FAT3: variants seen among roughly 807,000 people sequenced by gnomAD.
FAT3 encodes the protein protocadherin Fat 3.
FAT3 carries 95 observed loss-of-function variants against 310.2 expected under a neutral mutation model. The ratio of observed to expected loss-of-function variants is 0.31; its 90% CI spans 0.26 to 0.36. The LOEUF is 0.36. Ranked by LOEUF, FAT3 falls within the 10% of genes least tolerant of loss-of-function variation. The pLI is 1.00. For synonymous variants in FAT3, 2,314 were observed against 2,192.9 expected, an observed-to-expected ratio of 1.06 and a Z score of -1.54; for missense variants, 5,408 against 5,715.6, an observed-to-expected ratio of 0.95 and a Z score of 1.74.
chr11:92,740,705 T>C (rs182995765), intron 4 of FAT3, among the ~76,000 whole-genome samples: 158 of 152,326 alleles, frequency 1.0e-3, no homozygotes, highest in African/African-American at 3.7e-3. Flanking sequence ...AGAGGATTTT[T>C]AAAATCATGT....
In FAT3 at chr11:92,314,032, T is replaced by C. The variant is rs146669298; in HGVS notation, c.-17-38064T>C. Among the ~76,000 whole-genome samples, 301 of 152,376 alleles carry C rather than the reference T, an allele frequency of 2.0e-3. 3 individuals carry two copies. The highest frequency in any genetic ancestry group is 7.0e-3 in the African/African-American group (291 of 41,596). On this transcript the variant is annotated intron_variant, in intron 1 of 27. Transcript: ENST00000525166. ...ATATTTTGCATGCTGTAGCATTGTT[T>C]GTTATGAATGTGGTCAACTTAGCCT...
At chr11:92,230,753 G>T (rs1203482319) in intron 1 of FAT3, among the ~76,000 whole-genome samples, 1 of 152,194 alleles carries the variant, frequency 6.6e-6, no homozygotes, top group Non-Finnish European at 1.5e-5. Flanking sequence ...AGATGCCTGT[G>T]TGTGTACACT....
rs71064714 is a variant in FAT3 at position 92,486,130 on chromosome 11, G to GTTTTTTTTTTTTTTTTTT, written c.3293-38493_3293-38476dup. Among the ~76,000 whole-genome samples, 33 of 37,136 alleles carry GTTTTTTTTTTTTTTTTTT rather than the reference G, an allele frequency of 8.9e-4. 5 individuals are homozygous for GTTTTTTTTTTTTTTTTTT. Among genetic ancestry groups the GTTTTTTTTTTTTTTTTTT allele is most frequent in the South Asian group, 2.4e-3 (1 of 418 alleles). 24.4% of individuals were successfully genotyped at this position (37,136 alleles called of 152,430 possible). The stretch of plus-strand genomic sequence containing the variant: ...GTGAAATAGAGGAGAGGCTGCTGGG[G>GTTTTTTTTTTTTTTTTTT]TTTTTTTTTTTTTTTTTTTTTTTTT... On this transcript the variant is annotated intron_variant, in intron 2 of 27. Coordinates refer to ENST00000525166, the MANE Select transcript of FAT3 (RefSeq NM_001367949.2).
chr11:92,622,584 A>G (rs572139049), intron 3 of FAT3, among the ~76,000 whole-genome samples: 1 of 152,266 alleles, frequency 6.6e-6, no homozygotes, highest in East Asian at 1.9e-4. Context: ...TTATGATAAG[A>G]AACAAGATTG....
Position 92,844,704 on chromosome 11 carries a change from C to A in FAT3, c.11337C>A (p.Phe3779Leu). 6.4e-7 allele frequency: 1 copy of A among 1,565,340 alleles called. No individual in the cohort carries two copies. The highest frequency in any genetic ancestry group is 8.7e-7 in the Non-Finnish European group (1 of 1,150,200). The change falls in exon 19 of 28, where the codon TTC becomes TTA. Residue 3779 changes from phenylalanine to leucine, a missense_variant. Coordinates refer to ENST00000525166, the MANE Select transcript of FAT3 (RefSeq NM_001367949.2). ...GCATCAGCTTTGTGTGTCCGCGTTT[C>A]TACAGGAACGTGCGTTGCACCTGCA... is the stretch of plus-strand genomic sequence containing the variant. The part of the protein sequence containing the change: ...TARISFVCPR[F>L]YRNVRCTCNG...
intron 3 of FAT3, among the ~76,000 whole-genome samples, chr11:92,555,582 C>T (rs981841483): frequency 1.3e-5 from 2 of 152,174 alleles, no homozygotes; most frequent in Non-Finnish European, 2.9e-5. Context: ...TCAGCTAACA[C>T]CCAGAGCCAA....
At chr11:92,375,525 C>CTTACGGAGATGAAG (rs11272665) in intron 2 of FAT3, among the ~76,000 whole-genome samples, 55,599 of 151,870 alleles carry the variant, frequency 0.37, 14,582 homozygotes, top group African/African-American at 0.75. Context: ...GAAGATGAGA[C>CTTACGGAGATGAAG]TTATTTTCCC....
intron 11 of FAT3, 84 bp downstream of exon 11, chr11:92,805,433 A>G (rs1303490785): frequency 2.1e-6 from 3 of 1,434,122 alleles, no homozygotes; most frequent in Non-Finnish European, 1.9e-6. Context: ...TCTTAAGGCC[A>G]GGCAAACTTC....
rs148923823 is a variant in FAT3 at position 92,545,098 on chromosome 11, G to T, written c.3607+20150G>T. On this transcript the variant is annotated intron_variant, in intron 3 of 27. Transcript: ENST00000525166. The stretch of plus-strand genomic sequence containing the variant: ...CTCTTTGCCCTCCTCATGTCCCCAA[G>T]CACTCAGGCACACTCTTGCCCCAAG... Among the ~76,000 whole-genome samples the T allele has an allele frequency of 2.3e-3, 357 of 152,074 alleles. 5 individuals are homozygous for T. The highest frequency in any genetic ancestry group is 4.3e-3 in the Non-Finnish European group (292 of 68,008).
At chr11:92,762,373 G>A (rs1017181483) in intron 5 of FAT3, among the ~76,000 whole-genome samples, 12 of 152,202 alleles carry the variant, frequency 7.9e-5, no homozygotes, top group African/African-American at 2.4e-4. Flanking sequence ...AATTTCCTTT[G>A]GTTGTGTCCT....
At chr11:92,842,034 A>G (rs1390805857) in intron 18 of FAT3, among the ~76,000 whole-genome samples, 1 of 152,170 alleles carries the variant, frequency 6.6e-6, no homozygotes, top group Admixed American at 6.5e-5. Context: ...TTTAGCATTG[A>G]AGTTTTACTG....
chr11:92,636,641 A>G (rs1016506607), intron 3 of FAT3, among the ~76,000 whole-genome samples: 1 of 152,248 alleles, frequency 6.6e-6, no homozygotes, highest in Admixed American at 6.5e-5. Flanking sequence ...AGCAAGATTC[A>G]TGACAGCTAT....
At chr11:92,503,029 C>T (rs1952990725) in intron 2 of FAT3, among the ~76,000 whole-genome samples, 2 of 151,994 alleles carry the variant, frequency 1.3e-5, no homozygotes, top group Non-Finnish European at 2.9e-5. Context: ...CCTATTTGGC[C>T]TTGTTGGCTT....
intron 10 of FAT3, among the ~76,000 whole-genome samples, chr11:92,804,055 T>G (rs935613127): frequency 6.6e-6 from 1 of 152,194 alleles, no homozygotes; most frequent in African/African-American, 2.4e-5. Flanking sequence ...ATTGTAAGTG[T>G]GAGATATGGC....
chr11:92,336,861 A>G (rs981544809), intron 1 of FAT3, among the ~76,000 whole-genome samples: 5 of 152,196 alleles, frequency 3.3e-5, no homozygotes, highest in African/African-American at 9.7e-5. Context: ...CTGTGAGAGG[A>G]TGGCAAATAA....
chr11:92,383,461 G>C (rs1420549755), intron 2 of FAT3, among the ~76,000 whole-genome samples: 3 of 152,108 alleles, frequency 2.0e-5, no homozygotes, highest in Non-Finnish European at 4.4e-5. Context: ...AATCATTTTG[G>C]GCCTGATTTT....
intron 4 of FAT3, among the ~76,000 whole-genome samples, chr11:92,709,660 C>T (rs892301572): frequency 2.0e-5 from 3 of 152,186 alleles, no homozygotes; most frequent in Admixed American, 6.5e-5. Context: ...CCAGGTAATC[C>T]ATGCTTTGCA....
rs759083887 is a variant in FAT3 at position 92,891,011 on chromosome 11, C to T, written c.13668C>T (p.Asp4556=). Residue 4556 remains aspartate (D), a synonymous_variant, in exon 28 of 28, where the codon GAC becomes GAT. Coordinates refer to ENST00000525166, the MANE Select transcript of FAT3 (RefSeq NM_001367949.2). The part of the protein sequence containing the change: ...SSDVSANCGF[D]DSEVAMSDYE... ...ATGTGTCTGCCAACTGCGGCTTTGA[C>T]GATTCCGAAGTAGCCATGAGTGACT... 59 of 1,613,688 alleles carry T rather than the reference C, an allele frequency of 3.7e-5. No individual in the cohort carries two copies. Among genetic ancestry groups the T allele is most frequent in the African/African-American group, 1.3e-4 (10 of 74,918 alleles).
At chr11:92,426,150 T>C (rs1434292824) in intron 2 of FAT3, among the ~76,000 whole-genome samples, 1 of 152,228 alleles carries the variant, frequency 6.6e-6, no homozygotes, top group Non-Finnish European at 1.5e-5. Context: ...ATGACCTTTT[T>C]TTCATATGTT....
Sources: allele counts gnomAD v4.1 joint callset (sites outside exome capture counted in the v4.1 genomes callset), GRCh38; gene constraint gnomAD v4.1.1; transcripts MANE v1.5; gene names NCBI Gene and HGNC (gene_info 2026-07-23, HGNC 2026-07-21).